Variants in DAPK1 observed in about 807,000 individuals in gnomAD.
DAPK1 encodes the protein death-associated protein kinase 1.
Under a neutral mutation model 144.9 loss-of-function variants are expected in DAPK1, and 56 were observed. The ratio of observed to expected loss-of-function variants is 0.39; its 90% CI spans 0.31 to 0.48. The LOEUF (loss-of-function observed/expected upper bound fraction) is 0.48. Among genes scored for constraint, DAPK1 ranks in the 20% least tolerant of loss-of-function variants. DAPK1 has a pLI of 0.95. For missense variants in DAPK1, 1,454 were observed against 1,875.4 expected (o/e 0.78, Z 4.15); for synonymous variants, 690 against 749.0 (o/e 0.92, Z 1.29).
intron 2 of DAPK1, among the ~76,000 whole-genome samples, chr9:87,535,239 C>T (rs146365059): frequency 3.9e-4 from 60 of 152,054 alleles, no homozygotes; most frequent in Admixed American, 7.2e-4. Flanking sequence ...GCCCCCCTTT[C>T]GTTCTCTTTA....
At chr9:87,499,721 C>CA (rs1824324093) in intron 2 of DAPK1, among the ~76,000 whole-genome samples, 1 of 152,140 alleles carries the variant, frequency 6.6e-6, no homozygotes, top group South Asian at 2.1e-4. Context: ...AAATTTTTAA[C>CA]AAATCAATGA....
rs574707424 is a variant in DAPK1 at position 87,645,030 on chromosome 9, G to A, written c.1012-865G>A. Among the ~76,000 whole-genome samples the A allele has an allele frequency of 1.2e-4, 18 of 152,312 alleles. 1 individual carries two copies. Among genetic ancestry groups the A allele is most frequent in the African/African-American group, 4.3e-4 (18 of 41,568 alleles). ...TTTGGATTCAGATCTATAGAGAAGAGAAAGCAGATGGAGAGAAATGCTTTC... is the reference window on the plus strand; with the variant it reads ...TTTGGATTCAGATCTATAGAGAAGAAAAAGCAGATGGAGAGAAATGCTTTC... On this transcript the variant is annotated intron_variant, in intron 11 of 25. Coordinates refer to ENST00000408954, the MANE Select transcript of DAPK1 (RefSeq NM_004938.4).
chr9:87,607,909 A>C (rs1828790387), intron 3 of DAPK1, among the ~76,000 whole-genome samples: 1 of 152,230 alleles, frequency 6.6e-6, no homozygotes, highest in Non-Finnish European at 1.5e-5. Context: ...CAATTGACTC[A>C]TGGTTCTGCA....
Position 87,706,873 on chromosome 9 carries a change from C to T in DAPK1, c.3802C>T (p.Leu1268=). The change falls in exon 26 of 26, where the codon CTG becomes TTG. Residue 1268 remains leucine, a synonymous_variant. Coordinates refer to ENST00000408954, the MANE Select transcript of DAPK1 (RefSeq NM_004938.4). This position sits in a 1 kb window ranked among gnomAD's most constrained non-coding sequence, Gnocchi z 9.0. The part of the protein sequence containing the change: ...FRAQTLKETS[L]TNTMGGYKES... ...GGCACAGACTCTGAAGGAAACCTCA[C>T]TGACCAACACCATGGGGGGGTACAA... 2 of 1,614,058 alleles carry T rather than the reference C, an allele frequency of 1.2e-6. No homozygotes were observed. Among genetic ancestry groups the T allele is most frequent in the Non-Finnish European group, 1.7e-6 (2 of 1,180,034 alleles).
chr9:87,681,772 T>C (rs762717418), intron 20 of DAPK1, 146 bp downstream of exon 20: 1 of 666,256 alleles, frequency 1.5e-6, no homozygotes, highest in African/African-American at 1.8e-5. Flanking sequence ...CAGGTCCAGG[T>C]TGGCTGGTAG....
intron 22 of DAPK1, 137 bp downstream of exon 22, chr9:87,697,341 T>C (rs1458996283): frequency 1.6e-6 from 1 of 628,318 alleles, no homozygotes; most frequent in East Asian, 2.7e-5. Context: ...TCCCACCGTT[T>C]GTGGCTAACA....
chr9:87,661,558 C>T (rs1047026733), intron 18 of DAPK1, among the ~76,000 whole-genome samples: 1 of 152,134 alleles, frequency 6.6e-6, no homozygotes, highest in Non-Finnish European at 1.5e-5. Flanking sequence ...TTTTAACTTG[C>T]ATGTCTCTGA....
chr9:87,700,142 A>G lies in DAPK1; in HGVS notation c.2776A>G (p.Asn926Asp). ...NRFGNDLHIS[N>D]KLFVLDAGAS... is the part of the protein sequence containing the mutation. ...GTTTGGAAATGATCTTCACATTTCA[A>G]ATAAGCTGTTTGTTCTGGATGCTGG... Residue 926 changes from asparagine to aspartate, a missense_variant, in exon 24 of 26, where the codon AAT becomes GAT. Around this residue, in one of 2 missense-constraint regions of DAPK1, gnomAD observed 1,025 missense variants for 1,237.9 expected, o/e 0.83. Transcript: ENST00000408954. 1 of 1,611,172 alleles carries G rather than the reference A, an allele frequency of 6.2e-7. No homozygotes were observed.
chr9:87,555,382 C>G (rs1338042439), intron 2 of DAPK1, among the ~76,000 whole-genome samples: 1 of 152,160 alleles, frequency 6.6e-6, no homozygotes, highest in Non-Finnish European at 1.5e-5. Context: ...GACACAAGGA[C>G]TAGATGAGAA....
chr9:87,587,854 A>G (rs976887194), intron 2 of DAPK1, among the ~76,000 whole-genome samples: 2 of 152,230 alleles, frequency 1.3e-5, no homozygotes, highest in Non-Finnish European at 2.9e-5. Flanking sequence ...TTTCCCCAAT[A>G]GAACAATGTA....
Position 87,605,187 on chromosome 9 carries a change from C to T in DAPK1, c.284+12C>T, listed in dbSNP as rs563697445. On this transcript the variant is annotated intron_variant, in intron 3 of 25. Transcript: ENST00000408954. ...CTGATCTTGGAACTGTGAGTGCCGC[C>T]TGGGCCAGGCTGGGGAGAGGGTGTG... is the stretch of plus-strand genomic sequence containing the variant. The T allele has an allele frequency of 4.8e-5, 77 of 1,603,952 alleles. 1 individual carries two copies. In the East Asian group the frequency reaches 1.5e-3, roughly 31 times the overall value.
intron 2 of DAPK1, among the ~76,000 whole-genome samples, chr9:87,570,972 A>T (rs943012235): frequency 6.6e-6 from 1 of 152,198 alleles, no homozygotes; most frequent in Non-Finnish European, 1.5e-5. Flanking sequence ...TTTGAGGCTG[A>T]TAGAAAAGTC....
chr9:87,607,051 GT>G (rs1265674551), intron 3 of DAPK1, among the ~76,000 whole-genome samples: 1 of 149,350 alleles, frequency 6.7e-6, no homozygotes, highest in African/African-American at 2.5e-5. Flanking sequence ...TGCTTCCCCT[GT>G]ACCCTCCCAC....
chr9:87,680,653 G>GCACACA (rs35117625), intron 19 of DAPK1, among the ~76,000 whole-genome samples: 42 of 150,562 alleles, frequency 2.8e-4, no homozygotes, highest in Middle Eastern at 3.5e-3. Flanking sequence ...ACACACACAC[G>GCACACA]CGCACACACA....
intron 3 of DAPK1, among the ~76,000 whole-genome samples, chr9:87,617,433 C>T (rs1564025302): frequency 6.6e-6 from 1 of 152,062 alleles, no homozygotes; most frequent in East Asian, 1.9e-4. Flanking sequence ...AGAAGGGATG[C>T]GAGTGGTCTT....
chr9:87,518,118 T>TTTG (rs1825145681), intron 2 of DAPK1, among the ~76,000 whole-genome samples: 1 of 141,398 alleles, frequency 7.1e-6, no homozygotes, highest in African/African-American at 2.6e-5. Flanking sequence ...TTTTTTTTTT[T>TTTG]TTTTTTTTTC....
At chr9:87,525,023 C>G (rs1364868814) in intron 2 of DAPK1, among the ~76,000 whole-genome samples, 1 of 152,114 alleles carries the variant, frequency 6.6e-6, no homozygotes, top group Non-Finnish European at 1.5e-5. Context: ...ACCACCTGTT[C>G]CCCAATAACC....
intron 2 of DAPK1, among the ~76,000 whole-genome samples, chr9:87,502,614 T>C (rs1028856950): frequency 6.6e-6 from 1 of 152,136 alleles, no homozygotes; most frequent in Non-Finnish European, 1.5e-5. Flanking sequence ...GGACTGGCCT[T>C]CTTTCCTATT....
intron 2 of DAPK1, among the ~76,000 whole-genome samples, chr9:87,590,376 AAAAAAAAAAG>A (rs1478485069): frequency 1.4e-5 from 2 of 147,570 alleles, no homozygotes; most frequent in Admixed American, 1.3e-4. Flanking sequence ...CCTCAAAAAA[AAAAAAAAAAG>A]AAAAGAAAAG....
Sources: allele counts gnomAD v4.1 joint callset (sites outside exome capture counted in the v4.1 genomes callset), GRCh38; gene constraint gnomAD v4.1.1; regional missense constraint gnomAD v4.1.1; non-coding constraint Gnocchi (gnomAD v3.1); transcripts MANE v1.5; gene names NCBI Gene and HGNC (gene_info 2026-07-23, HGNC 2026-07-21).